ATXN7L1: variants seen among roughly 807,000 people sequenced by gnomAD.
The protein encoded by ATXN7L1 is ataxin 7 like 1.
ATXN7L1 carries 15 observed loss-of-function variants against 70.8 expected under a neutral mutation model. The observed-to-expected ratio is 0.21, with a 90% CI of 0.14 to 0.33. The LOEUF (loss-of-function observed/expected upper bound fraction) is 0.33. ATXN7L1 is among the 10% of genes least tolerant of loss of function. The pLI, the probability that ATXN7L1 is intolerant of heterozygous loss-of-function variation, is 1.00. For synonymous variants in ATXN7L1, 440 were observed against 445.1 expected, an observed-to-expected ratio of 0.99 and a Z score of 0.14; for missense variants, 975 against 1,097.1, an observed-to-expected ratio of 0.89 and a Z score of 1.57.
Position 105,639,499 on chromosome 7 carries a change from G to T in ATXN7L1, c.933C>A (p.Ser311=). The T allele has an allele frequency of 6.5e-7, 1 of 1,550,240 alleles. No homozygotes were observed. Among genetic ancestry groups the T allele is most frequent in the South Asian group, 1.2e-5 (1 of 84,016 alleles). ...DPETKKPCTR[S]LTCKTHSLSH... ...GAAAGAGAAATACCTTGCAGGTGAG[G>T]GATCTTGTGCAAGGTTTCTTTGTCT... The change falls in exon 6 of 12, where the codon TCC becomes TCA. Residue 311 remains serine (S), a synonymous_variant. Coordinates refer to ENST00000419735, the MANE Select transcript of ATXN7L1 (RefSeq NM_020725.2).
At chr7:105,870,592 G>A (rs573265541) in intron 2 of ATXN7L1, among the ~76,000 whole-genome samples, 1 of 152,198 alleles carries the variant, frequency 6.6e-6, no homozygotes, top group African/African-American at 2.4e-5. Context: ...GGACACTTAT[G>A]AGGCACAGGA....
At chr7:105,762,280 T>G (rs1800655580) in intron 3 of ATXN7L1, among the ~76,000 whole-genome samples, 1 of 152,218 alleles carries the variant, frequency 6.6e-6, no homozygotes, top group African/African-American at 2.4e-5. Context: ...CCTTCTGCCT[T>G]CAATCCCTGT....
Position 105,638,335 on chromosome 7 carries a change from C to CTA in ATXN7L1, c.1202+17_1202+18insTA, listed in dbSNP as rs1335231075. On this transcript the variant is annotated intron_variant, in intron 7 of 11. Transcript: ENST00000419735. The stretch of plus-strand genomic sequence containing the variant: ...TTGACCAAGCATTCAGGGCTTCTAT[C>CTA]GTCAAGGTGGTACTTACCTAGGAAG... The CTA allele has an allele frequency of 1.3e-6, 2 of 1,541,174 alleles. No homozygotes were observed. The highest frequency in any genetic ancestry group is 2.8e-5 in the African/African-American group (2 of 72,680).
intron 4 of ATXN7L1, among the ~76,000 whole-genome samples, chr7:105,657,622 A>G (rs1800866840): frequency 7.0e-6 from 1 of 143,698 alleles, no homozygotes; most frequent in African/African-American, 2.6e-5. Flanking sequence ...ACTTGAGCCC[A>G]GGAGGTTGAG....
chr7:105,619,520 ATATATATATATTTTTTTTTT>A (rs1794555301), intron 9 of ATXN7L1, among the ~76,000 whole-genome samples: 1 of 19,082 alleles, frequency 5.2e-5, no homozygotes, highest in East Asian at 1.5e-3. Context: ...ATATATATAT[ATATATATATATTTTTTTTTT>A]TTTTTTTTTT....
chr7:105,615,854 G>T (rs1475040764), intron 9 of ATXN7L1, among the ~76,000 whole-genome samples: 1 of 152,192 alleles, frequency 6.6e-6, no homozygotes, highest in Non-Finnish European at 1.5e-5. Flanking sequence ...ACCAGCACTA[G>T]GCTGTGGCTT....
At chr7:105,689,299 G>A (rs1256027826) in intron 3 of ATXN7L1, among the ~76,000 whole-genome samples, 1 of 152,180 alleles carries the variant, frequency 6.6e-6, no homozygotes, top group African/African-American at 2.4e-5. Context: ...GAAGGAGGGT[G>A]TTTCTAAGAT....
At chr7:105,855,333 G>A (rs1375574054) in intron 2 of ATXN7L1, among the ~76,000 whole-genome samples, 1 of 152,216 alleles carries the variant, frequency 6.6e-6, no homozygotes, top group Admixed American at 6.5e-5. Flanking sequence ...TAAAAAATGA[G>A]TGTGGCTATG....
intron 9 of ATXN7L1, among the ~76,000 whole-genome samples, chr7:105,617,445 A>G (rs979964160): frequency 6.6e-6 from 1 of 152,166 alleles, no homozygotes; most frequent in Non-Finnish European, 1.5e-5. Flanking sequence ...GCTGACACTC[A>G]GGATTGGGAT....
chr7:105,798,807 C>G (rs1359473176), intron 2 of ATXN7L1, among the ~76,000 whole-genome samples: 1 of 152,184 alleles, frequency 6.6e-6, no homozygotes, highest in Non-Finnish European at 1.5e-5. Context: ...TTGAGATTCA[C>G]ATGCTGAGAG....
chr7:105,643,652 C>T (rs1798580303), intron 4 of ATXN7L1, among the ~76,000 whole-genome samples: 1 of 152,254 alleles, frequency 6.6e-6, no homozygotes, highest in Non-Finnish European at 1.5e-5. Context: ...TGCTGCACGG[C>T]GTGCTGTCGG....
intron 3 of ATXN7L1, chr7:105,691,485 T>C (rs1180796459): frequency 6.6e-6 from 1 of 152,022 alleles, no homozygotes; most frequent in Non-Finnish European, 1.5e-5. Context: ...AAAAAAAGTC[T>C]ATAAATAACC....
intron 7 of ATXN7L1, among the ~76,000 whole-genome samples, chr7:105,632,640 C>T (rs983440669): frequency 1.3e-5 from 2 of 152,010 alleles, no homozygotes; most frequent in Non-Finnish European, 2.9e-5. Flanking sequence ...CAAGAGTGAT[C>T]AGCTGAGTGC....
intron 3 of ATXN7L1, among the ~76,000 whole-genome samples, chr7:105,683,337 C>A (rs1805772856): frequency 6.6e-6 from 1 of 152,078 alleles, no homozygotes; most frequent in African/African-American, 2.4e-5. Flanking sequence ...CTTTGTTACT[C>A]TTTAGGGGGT....
intron 2 of ATXN7L1, among the ~76,000 whole-genome samples, chr7:105,826,070 G>A (rs1476013935): frequency 6.6e-6 from 1 of 152,194 alleles, no homozygotes; most frequent in Non-Finnish European, 1.5e-5. Context: ...ATAGAGATAT[G>A]GAGTAAATAC....
intron 3 of ATXN7L1, among the ~76,000 whole-genome samples, chr7:105,698,485 C>T (rs1792026888): frequency 6.6e-6 from 1 of 152,194 alleles, no homozygotes; most frequent in African/African-American, 2.4e-5. Context: ...CCACTTCAGC[C>T]TCCTGAGTAG....
At chr7:105,769,239 G>A (rs1217408091) in intron 3 of ATXN7L1, among the ~76,000 whole-genome samples, 2 of 152,210 alleles carry the variant, frequency 1.3e-5, no homozygotes, top group Admixed American at 6.5e-5. Flanking sequence ...AAAGGCAGTC[G>A]TGAGTACAGA....
intron 3 of ATXN7L1, among the ~76,000 whole-genome samples, chr7:105,757,152 C>T (rs76907516): frequency 3.9e-5 from 6 of 152,170 alleles, no homozygotes; most frequent in Admixed American, 6.5e-5. Context: ...AGCACATGCT[C>T]GCTCTCTATT....
At chr7:105,710,013 C>G (rs555265988) in intron 3 of ATXN7L1, among the ~76,000 whole-genome samples, 2 of 152,166 alleles carry the variant, frequency 1.3e-5, no homozygotes, top group East Asian at 3.9e-4. Context: ...GCTGGGACTA[C>G]AGGTGTTTGT....
Sources: allele counts gnomAD v4.1 joint callset (sites outside exome capture counted in the v4.1 genomes callset), GRCh38; gene constraint gnomAD v4.1.1; transcripts MANE v1.5; gene names NCBI Gene and HGNC (gene_info 2026-07-23, HGNC 2026-07-21).